FCHO2: variants seen among roughly 807,000 people sequenced by gnomAD.
The protein encoded by FCHO2 is F-BAR domain only protein 2.
A neutral mutation model predicts 114.1 loss-of-function variants in FCHO2; 43 were observed. The ratio of observed to expected loss-of-function variants is 0.38; its 90% CI spans 0.30 to 0.49. The LOEUF (loss-of-function observed/expected upper bound fraction) is 0.49. Among genes scored for constraint, FCHO2 ranks in the 20% least tolerant of loss-of-function variants. The probability of loss-of-function intolerance (pLI) is 0.97; values close to 1 mark genes in which losing one functional copy is unlikely to be tolerated. For missense variants in FCHO2, 807 were observed against 950.4 expected, an observed-to-expected ratio of 0.85 and a Z score of 1.98; for synonymous variants, 293 against 315.2, an observed-to-expected ratio of 0.93 and a Z score of 0.75.
chr5:73,004,136 G>C (rs554734666), intron 5 of FCHO2, among the ~76,000 whole-genome samples: 1 of 149,954 alleles, frequency 6.7e-6, no homozygotes, highest in Non-Finnish European at 1.5e-5. Context: ...ACAGGTATTA[G>C]AAGAACAAAC....
At position 73,072,554 on chromosome 5, in the gene FCHO2, A is replaced by C. The variant is rs146066579; in HGVS notation, c.1580-2188A>C. ...GAGCAAAATGTGGTATATGCATACA[A>C]TAGAATATTATTCAGCCTTAAAAGG... is the stretch of plus-strand genomic sequence containing the variant. On this transcript the variant is annotated intron_variant, in intron 19 of 25. Transcript: ENST00000430046. Among the ~76,000 whole-genome samples, 286 of 152,258 alleles carry C rather than the reference A, an allele frequency of 1.9e-3. 3 individuals carry two copies. The highest frequency in any genetic ancestry group is 6.5e-3 in the African/African-American group (269 of 41,584).
chr5:72,979,465 C>T (rs1330945821), intron 2 of FCHO2, among the ~76,000 whole-genome samples: 1 of 131,256 alleles, frequency 7.6e-6, no homozygotes, highest in Non-Finnish European at 1.6e-5. Flanking sequence ...GATCTCGGCT[C>T]ACTGCAAGCT....
At chr5:73,073,993 C>T (rs555459426) in intron 19 of FCHO2, among the ~76,000 whole-genome samples, 20 of 151,958 alleles carry the variant, frequency 1.3e-4, no homozygotes, top group Non-Finnish European at 2.8e-4. Flanking sequence ...AAGAAGAGTG[C>T]GTTTGTGAAG....
At chr5:73,069,548 C>T (rs1027910076) in intron 19 of FCHO2, among the ~76,000 whole-genome samples, 9 of 151,894 alleles carry the variant, frequency 5.9e-5, no homozygotes, top group East Asian at 3.9e-4. Context: ...ATAGGGTTCT[C>T]GCTCCTATGA....
At position 73,052,595 on chromosome 5, in the gene FCHO2, T is replaced by C. The variant is rs1757391257; in HGVS notation, c.1173+88T>C. 30 of 1,028,790 alleles carry C rather than the reference T, an allele frequency of 2.9e-5. 1 individual carries two copies. In the South Asian group the frequency reaches 4.8e-4, roughly 17 times the overall value. 63.7% of individuals were successfully genotyped at this position (1,028,790 alleles called of 1,614,324 possible). The stretch of plus-strand genomic sequence containing the variant: ...CTGGTCAAACATTACTTAGCAATTG[T>C]TAAGCATGTTGACTGAGGAAATACT... On this transcript the variant is annotated intron_variant, in intron 13 of 25. Transcript: ENST00000430046.
At chr5:73,049,105 T>A (rs1282914009) in intron 11 of FCHO2, among the ~76,000 whole-genome samples, 1 of 151,894 alleles carries the variant, frequency 6.6e-6, no homozygotes, top group Non-Finnish European at 1.5e-5. Context: ...CTCGATCTCC[T>A]GACCTCGTGA....
chr5:73,053,824 G>T (rs1757449630), intron 13 of FCHO2, among the ~76,000 whole-genome samples: 1 of 152,048 alleles, frequency 6.6e-6, no homozygotes, highest in Admixed American at 6.6e-5. Context: ...AAGCCTAGAG[G>T]AATATATGGG....
chr5:72,981,343 G>A (rs1753198555), intron 2 of FCHO2, among the ~76,000 whole-genome samples: 1 of 152,158 alleles, frequency 6.6e-6, no homozygotes, highest in Non-Finnish European at 1.5e-5. Flanking sequence ...CCCTTTGTGG[G>A]TAACCCGACC....
At chr5:72,980,368 A>G (rs1004227430) in intron 2 of FCHO2, among the ~76,000 whole-genome samples, 4 of 152,126 alleles carry the variant, frequency 2.6e-5, no homozygotes, top group African/African-American at 9.7e-5. Flanking sequence ...ACTTCCAATT[A>G]TGTGGTCAGT....
intron 2 of FCHO2, among the ~76,000 whole-genome samples, chr5:72,973,517 T>C (rs1166122534): frequency 6.6e-6 from 1 of 152,114 alleles, no homozygotes; most frequent in Non-Finnish European, 1.5e-5. Flanking sequence ...TCTCTGATGG[T>C]AGTTTGTATT....
At chr5:73,085,768 C>G (rs2112898452) in intron 24 of FCHO2, among the ~76,000 whole-genome samples, 1 of 147,692 alleles carries the variant, frequency 6.8e-6, no homozygotes, top group East Asian at 2.0e-4. Context: ...GAGGGAGACT[C>G]TGTCTCAAAA....
intron 5 of FCHO2, among the ~76,000 whole-genome samples, chr5:73,000,703 A>C (rs1159419252): frequency 6.6e-6 from 1 of 151,968 alleles, no homozygotes; most frequent in East Asian, 2.0e-4. Flanking sequence ...TGAACCCAGG[A>C]GGCAGAGGTT....
intron 8 of FCHO2, among the ~76,000 whole-genome samples, chr5:73,021,637 G>A (rs1755632660): frequency 6.6e-6 from 1 of 152,094 alleles, no homozygotes; most frequent in Admixed American, 6.6e-5. Context: ...AAAAGTGCCA[G>A]AGAACTTATA....
intron 2 of FCHO2, among the ~76,000 whole-genome samples, chr5:72,970,440 T>C (rs996363020): frequency 3.9e-5 from 6 of 152,152 alleles, no homozygotes; most frequent in Non-Finnish European, 5.9e-5. Flanking sequence ...TAAATACTTA[T>C]TCTTCTCTTC....
chr5:73,056,177 A>G (rs1757584263), intron 16 of FCHO2, 70 bp downstream of exon 16: 1 of 1,193,444 alleles, frequency 8.4e-7, no homozygotes, highest in African/African-American at 1.6e-5. Context: ...ATTTATGGCA[A>G]AATTGAATGG....
At chr5:73,008,957 A>G (rs1754856605) in intron 6 of FCHO2, among the ~76,000 whole-genome samples, 1 of 152,230 alleles carries the variant, frequency 6.6e-6, no homozygotes, top group Non-Finnish European at 1.5e-5. Context: ...ATCAGACCAT[A>G]TAAAATAGGG....
At position 73,081,764 on chromosome 5, in the gene FCHO2, T is replaced by C. The variant is rs1172905277; in HGVS notation, c.1981-19T>C. 2.1e-6 allele frequency: 3 copies of C among 1,453,620 alleles called. No individual in the cohort carries two copies. Among genetic ancestry groups the C allele is most frequent in the Admixed American group, 2.3e-5 (1 of 42,590 alleles). 90.0% of individuals were successfully genotyped at this position (1,453,620 alleles called of 1,614,324 possible). On this transcript the variant is annotated intron_variant, in intron 22 of 25. Coordinates refer to ENST00000430046, the MANE Select transcript of FCHO2 (RefSeq NM_138782.3). The stretch of plus-strand genomic sequence containing the variant: ...ACTTTTCAGGCCAAAAACAATTGTT[T>C]GTTCTTTTCTCTTTAAAGGTATCAT...
intron 1 of FCHO2, among the ~76,000 whole-genome samples, chr5:72,966,024 A>G (rs758473902): frequency 5.9e-5 from 9 of 152,190 alleles, no homozygotes; most frequent in Non-Finnish European, 1.0e-4. Flanking sequence ...TTAATCAGTA[A>G]TGTGATTATA....
chr5:73,024,629 G>T lies in FCHO2; in HGVS notation c.796+7321G>T, dbSNP rs111289384. Among the ~76,000 whole-genome samples, 1,163 of 151,552 alleles carry T rather than the reference G, an allele frequency of 7.7e-3. 13 individuals are homozygous for T. Among genetic ancestry groups the T allele is most frequent in the African/African-American group, 0.027 (1,114 of 41,292 alleles). Reference sequence around the variant, plus strand: ...AATTTTTGTATTTTTAGTAGAGACGGGGTTTCACCATATTAGCCAGGTTGG... The same window carrying T: ...AATTTTTGTATTTTTAGTAGAGACGTGGTTTCACCATATTAGCCAGGTTGG... On this transcript the variant is annotated intron_variant, in intron 8 of 25. Coordinates refer to ENST00000430046, the MANE Select transcript of FCHO2 (RefSeq NM_138782.3).
Sources: gnomAD v4.1 joint callset for allele counts (sites outside exome capture counted in the v4.1 genomes callset) on GRCh38, gnomAD v4.1.1 for gene constraint, MANE v1.5 for transcripts, NCBI Gene and HGNC (gene_info 2026-07-23, HGNC 2026-07-21) for gene names.